MAGI3: variants seen among roughly 807,000 people sequenced by gnomAD.
MAGI3 encodes membrane-associated guanylate kinase, WW and PDZ domain-containing protein 3.
In MAGI3, 43 loss-of-function variants were observed where a neutral mutation model predicts 121.8. The observed-to-expected ratio is 0.35, with a 90% CI of 0.28 to 0.46. The LOEUF is 0.46. Among genes scored for constraint, MAGI3 ranks in the 20% least tolerant of loss-of-function variants. The pLI, the probability that MAGI3 is intolerant of heterozygous loss-of-function variation, is 1.00. For synonymous variants in MAGI3, 553 were observed against 639.3 expected (o/e 0.86, Z 2.04); for missense variants, 1,547 against 1,797.3 (o/e 0.86, Z 2.52).
chr1:113,463,758 G>A (rs917391979), intron 1 of MAGI3, among the ~76,000 whole-genome samples: 1 of 151,982 alleles, frequency 6.6e-6, no homozygotes, highest in Non-Finnish European at 1.5e-5. Flanking sequence ...TGGAATTGGG[G>A]ATGTCAATCA....
intron 1 of MAGI3, among the ~76,000 whole-genome samples, chr1:113,446,335 A>G (rs1294179105): frequency 1.3e-5 from 2 of 152,226 alleles, no homozygotes; most frequent in Admixed American, 6.5e-5. Context: ...TAACTTTAGC[A>G]TGTTAAATGT....
chr1:113,481,737 T>C (rs1376926014), intron 1 of MAGI3, among the ~76,000 whole-genome samples: 3 of 152,220 alleles, frequency 2.0e-5, no homozygotes, highest in African/African-American at 7.2e-5. Context: ...TATTTTTGTA[T>C]TTGTTTTTAG....
chr1:113,551,027 C>T (rs1376463689), intron 2 of MAGI3, among the ~76,000 whole-genome samples: 2 of 150,382 alleles, frequency 1.3e-5, no homozygotes, highest in Non-Finnish European at 3.0e-5. Flanking sequence ...TTCTTTTTTC[C>T]CTCCCTCCGT....
intron 19 of MAGI3, among the ~76,000 whole-genome samples, chr1:113,678,501 G>C (rs2359170): frequency 0.73 from 111,333 of 152,110 alleles, 41,285 homozygotes; most frequent in African/African-American, 0.78. Flanking sequence ...TTCTGATATT[G>C]TCCATTTGTT....
intron 1 of MAGI3, among the ~76,000 whole-genome samples, chr1:113,453,864 T>G (rs1416394747): frequency 6.6e-6 from 1 of 152,258 alleles, no homozygotes; most frequent in Non-Finnish European, 1.5e-5. Flanking sequence ...CAATCTGATT[T>G]CAGAGCTGGT....
intron 1 of MAGI3, among the ~76,000 whole-genome samples, chr1:113,399,946 G>A (rs1432910118): frequency 2.0e-5 from 3 of 152,058 alleles, no homozygotes; most frequent in Non-Finnish European, 4.4e-5. Flanking sequence ...CATTATTGTA[G>A]TATTTCTGAG....
intron 1 of MAGI3, among the ~76,000 whole-genome samples, chr1:113,543,571 A>G (rs1269922818): frequency 6.6e-6 from 1 of 152,192 alleles, no homozygotes; most frequent in East Asian, 1.9e-4. Context: ...ATAGTTAAAA[A>G]TACAAATTAA....
intron 1 of MAGI3, among the ~76,000 whole-genome samples, chr1:113,435,570 ATCAT>A (rs1653526423): frequency 6.6e-6 from 1 of 152,164 alleles, no homozygotes; most frequent in South Asian, 2.1e-4. Flanking sequence ...TCATAGTCAC[ATCAT>A]TTATTTATTT....
chr1:113,544,431 A>G (rs1272163173), intron 1 of MAGI3, among the ~76,000 whole-genome samples: 1 of 152,234 alleles, frequency 6.6e-6, no homozygotes, highest in Non-Finnish European at 1.5e-5. Context: ...CTTTGCCTTT[A>G]AGGAAAACAG....
chr1:113,535,629 A>G (rs141524368), intron 1 of MAGI3, among the ~76,000 whole-genome samples: 2 of 152,336 alleles, frequency 1.3e-5, no homozygotes, highest in African/African-American at 4.8e-5. Context: ...ATGCAAGTAT[A>G]TGTTAATAGA....
intron 1 of MAGI3, among the ~76,000 whole-genome samples, chr1:113,426,186 T>C (rs995161829): frequency 2.0e-5 from 3 of 152,250 alleles, no homozygotes; most frequent in Admixed American, 2.0e-4. Flanking sequence ...TGTTGATTAA[T>C]TTTCATATGT....
At chr1:113,657,043 C>T (rs1026434627) in intron 15 of MAGI3, among the ~76,000 whole-genome samples, 1 of 152,154 alleles carries the variant, frequency 6.6e-6, no homozygotes. Flanking sequence ...GGGAACATTT[C>T]CAGTTACTGT....
chr1:113,398,357 T>C (rs111461247), intron 1 of MAGI3, among the ~76,000 whole-genome samples: 1 of 152,204 alleles, frequency 6.6e-6, no homozygotes. Flanking sequence ...AAAAATATCA[T>C]GCAGTGGTAA....
intron 2 of MAGI3, among the ~76,000 whole-genome samples, chr1:113,560,473 C>T (rs1284722636): frequency 6.6e-6 from 1 of 151,878 alleles, no homozygotes; most frequent in Non-Finnish European, 1.5e-5. Flanking sequence ...TCACTTAAAA[C>T]CATACAACTA....
chr1:113,472,280 G>A (rs1655578733), intron 1 of MAGI3, among the ~76,000 whole-genome samples: 1 of 150,098 alleles, frequency 6.7e-6, no homozygotes, highest in African/African-American at 2.5e-5. Flanking sequence ...TCGGCTCACT[G>A]CAAGCTCCGC....
intron 1 of MAGI3, among the ~76,000 whole-genome samples, chr1:113,428,637 A>T (rs1255409552): frequency 6.6e-6 from 1 of 152,244 alleles, no homozygotes; most frequent in Non-Finnish European, 1.5e-5. Context: ...TGTTTTATTG[A>T]GCCCTACCTG....
chr1:113,434,910 T>C (rs1653487980), intron 1 of MAGI3, among the ~76,000 whole-genome samples: 2 of 152,218 alleles, frequency 1.3e-5, no homozygotes, highest in Admixed American at 6.5e-5. Flanking sequence ...TGTTTTTTCA[T>C]TTTGGCCCCA....
chr1:113,648,919 G>A (rs947149244), intron 12 of MAGI3, among the ~76,000 whole-genome samples: 1 of 152,128 alleles, frequency 6.6e-6, no homozygotes, highest in East Asian at 1.9e-4. Context: ...TCAAACTCAA[G>A]TTTGATCATT....
At chr1:113,646,765 T>G (rs1160269378) in intron 12 of MAGI3, 123 bp downstream of exon 12, 1 of 743,820 alleles carries the variant, frequency 1.3e-6, no homozygotes. Flanking sequence ...ACCATTTTAA[T>G]AGAACTCTGG....
Sources: allele counts gnomAD v4.1 joint callset (sites outside exome capture counted in the v4.1 genomes callset), GRCh38; gene constraint gnomAD v4.1.1; transcripts MANE v1.5; gene names NCBI Gene and HGNC (gene_info 2026-07-23, HGNC 2026-07-21).